The following EEF1AKMT2 variants were observed in gnomAD, a reference collection of about 807,000 sequenced individuals.
EEF1AKMT2 encodes the protein eukaryotic translation elongation factor 1 alpha lysine methyltransferase 2.
A neutral mutation model predicts 35.8 loss-of-function variants in EEF1AKMT2; 32 were observed. The ratio of observed to expected loss-of-function variants is 0.89; its 90% CI spans 0.67 to 1.20. The LOEUF (loss-of-function observed/expected upper bound fraction) is 1.20. Ranked by LOEUF, EEF1AKMT2 falls within the 50% of genes most tolerant of loss-of-function variation. The pLI, the probability that EEF1AKMT2 is intolerant of heterozygous loss-of-function variation, is 0.00. For synonymous variants in EEF1AKMT2, 121 were observed against 133.7 expected (o/e 0.91, Z 0.65); for missense variants, 330 against 347.5 (o/e 0.95, Z 0.40).
At chr10:124,791,210 C>G (rs1400182717) in intron 1 of EEF1AKMT2, among the ~76,000 whole-genome samples, 2 of 152,050 alleles carry the variant, frequency 1.3e-5, no homozygotes, top group Non-Finnish European at 2.9e-5. Flanking sequence ...AATTCCTGAG[C>G]GTCTGTTTGA....
At position 124,785,246 on chromosome 10, in the gene EEF1AKMT2, C is replaced by CAAAA. The variant is rs35915292; in HGVS notation, c.291+3793_291+3796dup. ...TGGGTGACAGAGCAAGACTCCGTCT[C>CAAAA]AAAAAAAAAAAAAAAAAAAAAAAAG... On this transcript the variant is annotated intron_variant, in intron 3 of 6. Coordinates refer to ENST00000368836, the MANE Select transcript of EEF1AKMT2 (RefSeq NM_212554.4). 4.1e-3 allele frequency among the ~76,000 whole-genome samples: 252 copies of CAAAA among 61,080 alleles called. 2 individuals are homozygous for CAAAA. The highest frequency in any genetic ancestry group is 5.3e-3 in the East Asian group (10 of 1,904). The allele number at this position is 61,080 out of a possible 152,430, so 40.1% of individuals were successfully genotyped here.
chr10:124,783,465 C>T (rs947125375), intron 3 of EEF1AKMT2, among the ~76,000 whole-genome samples: 1 of 152,086 alleles, frequency 6.6e-6, no homozygotes, highest in African/African-American at 2.4e-5. Flanking sequence ...GAAATTTAAA[C>T]TCTCATGTAT....
intron 3 of EEF1AKMT2, among the ~76,000 whole-genome samples, chr10:124,779,747 CAAA>C (rs34475748): frequency 1.4e-4 from 4 of 28,188 alleles, no homozygotes; most frequent in African/African-American, 2.3e-4. Flanking sequence ...GACTCCATCT[CAAA>C]AAAAAAAAAA....
chr10:124,783,950 G>A (rs959510381), intron 3 of EEF1AKMT2, among the ~76,000 whole-genome samples: 12 of 152,192 alleles, frequency 7.9e-5, no homozygotes, highest in African/African-American at 2.4e-4. Context: ...TCAGCCTCCC[G>A]AGTAGCTGGG....
intron 3 of EEF1AKMT2, among the ~76,000 whole-genome samples, chr10:124,787,015 C>A (rs184736039): frequency 6.6e-6 from 1 of 151,374 alleles, no homozygotes; most frequent in East Asian, 2.0e-4. Context: ...GGCTGATCTC[C>A]GCTCACTGCA....
rs1471198447 is a variant in EEF1AKMT2 at position 124,758,494 on chromosome 10, G to C, written c.*2009C>G. The C allele has an allele frequency of 7.3e-6, 1 of 137,106 alleles. No homozygotes were observed. The highest frequency in any genetic ancestry group is 2.4e-4 in the South Asian group (1 of 4,088). 8.5% of individuals were successfully genotyped at this position (137,106 alleles called of 1,614,324 possible). A position where few individuals can be genotyped will look rare whatever the true frequency, so the allele number is the denominator to read the frequency against. ...CTTCCTTTTCCTAACCTTATCAAAA[G>C]CTCTATGGTTAAAAAAAAAAAAAAA... On this transcript the variant is annotated 3_prime_UTR_variant, in exon 7 of 7. Transcript: ENST00000368836.
chr10:124,775,138 C>G (rs1171698823), intron 3 of EEF1AKMT2, among the ~76,000 whole-genome samples: 1 of 151,986 alleles, frequency 6.6e-6, no homozygotes, highest in Non-Finnish European at 1.5e-5. Flanking sequence ...TTACTTAACC[C>G]AATTAAATTA....
At chr10:124,787,034 C>T (rs1279381778) in intron 3 of EEF1AKMT2, among the ~76,000 whole-genome samples, 1 of 151,810 alleles carries the variant, frequency 6.6e-6, no homozygotes, top group Non-Finnish European at 1.5e-5. Context: ...CAAACTCCAC[C>T]TCCCGGGTTC....
intron 3 of EEF1AKMT2, among the ~76,000 whole-genome samples, chr10:124,777,703 T>C (rs1364765366): frequency 6.6e-6 from 1 of 151,940 alleles, no homozygotes; most frequent in Non-Finnish European, 1.5e-5. Context: ...TTTTGTTTTT[T>C]GTTTTTTTTT....
At chr10:124,757,326 C>A (rs1950294634), downstream of EEF1AKMT2, among the ~76,000 whole-genome samples, 4 of 152,132 alleles carry the variant, frequency 2.6e-5, no homozygotes, top group South Asian at 8.3e-4. Context: ...AATCAAACCC[C>A]AGGGCTCTCC....
intron 6 of EEF1AKMT2, among the ~76,000 whole-genome samples, chr10:124,761,092 G>A (rs1266343419): frequency 6.6e-6 from 1 of 152,126 alleles, no homozygotes; most frequent in Non-Finnish European, 1.5e-5. Context: ...GGTCTGGAAC[G>A]CCTGATCTCA....
chr10:124,770,475 G>T (rs568174139), intron 4 of EEF1AKMT2, among the ~76,000 whole-genome samples: 41 of 152,260 alleles, frequency 2.7e-4, no homozygotes, highest in Middle Eastern at 6.8e-3. Context: ...GAAATCATGA[G>T]TAAGTCATAA....
At chr10:124,765,327 G>A in intron 5 of EEF1AKMT2, 65 bp downstream of exon 5, 2 of 1,357,010 alleles carry the variant, frequency 1.5e-6, no homozygotes, top group East Asian at 4.6e-5. Context: ...AAAACGGGGA[G>A]AAAACCTATT....
At chr10:124,791,617 C>T (rs926118423) in intron 1 of EEF1AKMT2, 107 bp downstream of exon 1, 35 of 1,482,588 alleles carry the variant, frequency 2.4e-5, no homozygotes, top group Non-Finnish European at 3.0e-5. Context: ...GTCACGCCCC[C>T]GAGGGTCTCC....
chr10:124,764,791 A>C (rs1950363047), intron 5 of EEF1AKMT2, among the ~76,000 whole-genome samples: 1 of 152,230 alleles, frequency 6.6e-6, no homozygotes, highest in Non-Finnish European at 1.5e-5. Flanking sequence ...TTTGCCAGTA[A>C]ATCAGTGCAC....
At chr10:124,777,001 C>T (rs1950493047) in intron 3 of EEF1AKMT2, among the ~76,000 whole-genome samples, 2 of 151,626 alleles carry the variant, frequency 1.3e-5, no homozygotes, top group Admixed American at 6.6e-5. Context: ...TAATATGGGC[C>T]GGGCATGGTG....
chr10:124,765,248 T>C (rs1021633652), intron 5 of EEF1AKMT2, 144 bp downstream of exon 5: 2 of 656,256 alleles, frequency 3.0e-6, no homozygotes, highest in African/African-American at 1.8e-5. Flanking sequence ...TCAAAAGTTA[T>C]TGTCAAGGTA....
At chr10:124,777,624 C>T (rs1274922587) in intron 3 of EEF1AKMT2, among the ~76,000 whole-genome samples, 1 of 151,820 alleles carries the variant, frequency 6.6e-6, no homozygotes, top group African/African-American at 2.4e-5. Context: ...CTCAATCAAT[C>T]CTCCCACCCC....
intron 3 of EEF1AKMT2, among the ~76,000 whole-genome samples, chr10:124,779,664 T>C (rs1950520656): frequency 7.2e-6 from 1 of 139,488 alleles, no homozygotes; most frequent in Non-Finnish European, 1.5e-5. Context: ...AGGAGAATGG[T>C]GTGAACCTGG....
Sources: allele counts gnomAD v4.1 joint callset (sites outside exome capture counted in the v4.1 genomes callset), GRCh38; gene constraint gnomAD v4.1.1; transcripts MANE v1.5; gene names NCBI Gene and HGNC (gene_info 2026-07-23, HGNC 2026-07-21).